ZNF79: variants seen among roughly 807,000 people sequenced by gnomAD.
ZNF79 encodes the protein zinc finger protein 79.
In ZNF79, 13 loss-of-function variants were observed where a neutral mutation model predicts 14.9. The ratio of observed to expected loss-of-function variants is 0.87; its 90% CI spans 0.57 to 1.38. The LOEUF (loss-of-function observed/expected upper bound fraction) is 1.38. ZNF79 is among the 40% of genes most tolerant of loss of function. The probability of loss-of-function intolerance (pLI) is 0.00; values close to 1 mark genes in which losing one functional copy is unlikely to be tolerated. For synonymous variants in ZNF79, 223 were observed against 235.1 expected, an observed-to-expected ratio of 0.95 and a Z score of 0.47; for missense variants, 631 against 630.6, an observed-to-expected ratio of 1.00 and a Z score of -0.01.
At chr9:127,436,069 G>C in intron 4 of ZNF79, 66 bp downstream of exon 4, 1 of 1,286,150 alleles carries the variant, frequency 7.8e-7, no homozygotes, top group Non-Finnish European at 1.1e-6. Context: ...TCACGCATGA[G>C]TGTATTTGAT....
intron 4 of ZNF79, among the ~76,000 whole-genome samples, chr9:127,440,088 T>G (rs1834024254): frequency 6.6e-6 from 1 of 152,164 alleles, no homozygotes; most frequent in South Asian, 2.1e-4. Context: ...GGTCTCGATC[T>G]CCTGACCTCG....
At chr9:127,425,371 A>G (rs1261922532) in intron 1 of ZNF79, among the ~76,000 whole-genome samples, 1 of 152,196 alleles carries the variant, frequency 6.6e-6, no homozygotes, top group Non-Finnish European at 1.5e-5. Context: ...TACCTCTGAG[A>G]ATTGTAATTC....
At chr9:127,443,463 T>C (rs1588078921) in intron 4 of ZNF79, among the ~76,000 whole-genome samples, 1 of 145,084 alleles carries the variant, frequency 6.9e-6, no homozygotes, top group South Asian at 2.1e-4. Context: ...TAGTTGTTTA[T>C]TAAGTATTAT....
chr9:127,435,895 T>C lies in ZNF79; in HGVS notation c.233-13T>C. The C allele has an allele frequency of 6.2e-7, 1 of 1,613,080 alleles. No individual in the cohort carries two copies. Among genetic ancestry groups the C allele is most frequent in the Non-Finnish European group, 8.5e-7 (1 of 1,179,060 alleles). On this transcript the variant is annotated splice_polypyrimidine_tract_variant and intron_variant, in intron 3 of 4. Coordinates refer to ENST00000342483, the MANE Select transcript of ZNF79 (RefSeq NM_007135.3). Reference sequence around the variant, plus strand: ...CTTACAATTTCTAAAGCCTGTTTTTTCCCGTTGAATAGGACTTCCAGTTTC... The same window carrying C: ...CTTACAATTTCTAAAGCCTGTTTTTCCCCGTTGAATAGGACTTCCAGTTTC...
At chr9:127,435,810 A>G in intron 3 of ZNF79, 98 bp from the exon 4 acceptor site, 5 of 925,036 alleles carry the variant, frequency 5.4e-6, no homozygotes, top group Non-Finnish European at 8.9e-6. Context: ...GCTGAATGAA[A>G]TGAACAGTCC....
In ZNF79 at chr9:127,444,804, G is replaced by T; in HGVS notation, c.1104G>T (p.Lys368Asn). ...CCTACAGATGTGCCGCGTGTGGGAA[G>T]GCCTTCAGCCAGAGTGCAAACCTCA... Reference protein sequence around the residue: ...EKPYRCAACGKAFSQSANLTN... With the variant: ...EKPYRCAACGNAFSQSANLTN... Residue 368 changes from lysine to asparagine, a missense_variant, in exon 5 of 5, where the codon AAG becomes AAT. Transcript: ENST00000342483. 6.2e-7 allele frequency: 1 copy of T among 1,607,330 alleles called. No homozygotes were observed. Among genetic ancestry groups the T allele is most frequent in the Non-Finnish European group, 8.5e-7 (1 of 1,175,494 alleles).
chr9:127,428,232 C>T (rs1833796599), intron 1 of ZNF79, among the ~76,000 whole-genome samples: 1 of 152,170 alleles, frequency 6.6e-6, no homozygotes. Flanking sequence ...CTGCCCACAT[C>T]AGCCTCCCAA....
At chr9:127,427,969 T>A (rs191685019) in intron 1 of ZNF79, among the ~76,000 whole-genome samples, 101 of 152,304 alleles carry the variant, frequency 6.6e-4, no homozygotes, top group Admixed American at 1.2e-3. Context: ...GGTTTTCTTC[T>A]AAGAGTTCTA....
At position 127,424,803 on chromosome 9, in the gene ZNF79, G is replaced by A; in HGVS notation, c.16G>A (p.Val6Ile). ...CGGGACTCAAATGCTGGAGGAAGGA[G>A]GTGAGGAGTGGTAGAGGGAGCGATT... MLEEG[V>I]LPSPGPALPQ... Residue 6 changes from valine to isoleucine, a missense_variant and splice_region_variant, in exon 1 of 5, where the codon GTA (valine) becomes ATA (isoleucine). Coordinates refer to ENST00000342483, the MANE Select transcript of ZNF79 (RefSeq NM_007135.3). The A allele has an allele frequency of 1.9e-6, 3 of 1,614,014 alleles. No homozygotes were observed. Among genetic ancestry groups the A allele is most frequent in the Non-Finnish European group, 2.5e-6 (3 of 1,180,000 alleles).
At chr9:127,432,445 C>T (rs1055939542) in intron 2 of ZNF79, among the ~76,000 whole-genome samples, 16 of 152,024 alleles carry the variant, frequency 1.1e-4, no homozygotes, top group African/African-American at 2.2e-4. Flanking sequence ...CCACCACGCC[C>T]GGCCTAAAAT....
chr9:127,435,013 A>G, intron 2 of ZNF79, 77 bp from the exon 3 acceptor site: 3 of 1,483,080 alleles, frequency 2.0e-6, no homozygotes, highest in African/African-American at 2.9e-5. Context: ...AGCTCCCCCA[A>G]AACTGCCAAC....
chr9:127,445,297 C>A lies in ZNF79; in HGVS notation c.*100C>A. The A allele has an allele frequency of 7.5e-7, 1 of 1,337,392 alleles. No individual in the cohort carries two copies. Among genetic ancestry groups the A allele is most frequent in the Non-Finnish European group, 1.0e-6 (1 of 977,070 alleles). 82.8% of individuals were successfully genotyped at this position (1,337,392 alleles called of 1,614,324 possible). A position where few individuals can be genotyped will look rare whatever the true frequency, so the allele number is the denominator to read the frequency against. The stretch of plus-strand genomic sequence containing the variant: ...CTAAAGGCTTGAAAGCATCTGAAGA[C>A]ATCTAACTTAGAGTCTGCAGCCCAG... On this transcript the variant is annotated 3_prime_UTR_variant, in exon 5 of 5. Coordinates refer to ENST00000342483, the MANE Select transcript of ZNF79 (RefSeq NM_007135.3).
intron 2 of ZNF79, among the ~76,000 whole-genome samples, chr9:127,434,603 G>T (rs1357604098): frequency 1.3e-5 from 2 of 152,196 alleles, no homozygotes; most frequent in Non-Finnish European, 2.9e-5. Context: ...GTGTGTATGT[G>T]TGAAATTATC....
At chr9:127,429,238 G>GGT (rs1469313375) in intron 2 of ZNF79, among the ~76,000 whole-genome samples, 1 of 151,954 alleles carries the variant, frequency 6.6e-6, no homozygotes, top group Non-Finnish European at 1.5e-5. Context: ...CTGGTCTCGA[G>GGT]GTCCTGACCT....
chr9:127,428,931 A>G lies in ZNF79; in HGVS notation c.105+11A>G. 1 of 1,566,772 alleles carries G rather than the reference A, an allele frequency of 6.4e-7. No homozygotes were observed. Among genetic ancestry groups the G allele is most frequent in the Non-Finnish European group, 8.7e-7 (1 of 1,155,140 alleles). The stretch of plus-strand genomic sequence containing the variant: ...ACAGCTGGGCCCCGGGTAAGTTGGA[A>G]ATTAACTTTGGAAGGCATCCTTTTC... On this transcript the variant is annotated intron_variant, in intron 2 of 4. Transcript: ENST00000342483.
At position 127,444,858 on chromosome 9, in the gene ZNF79, GA is replaced by G; in HGVS notation, c.1161del (p.Lys387AsnfsTer19). On this transcript the variant is annotated frameshift_variant, in exon 5 of 5. Coordinates refer to ENST00000342483, the MANE Select transcript of ZNF79 (RefSeq NM_007135.3). LOFTEE classifies it high-confidence loss of function. ...ACCATCAGAGGACTCACACTGGGGA[GA>G]AACCCTACAAGTGCAGCGAGTGTGG... is the stretch of plus-strand genomic sequence containing the variant. ...TNHQRTHTGEKPYKCSECGKA... is the reference protein window; with the variant it reads ...TNHQRTHTGEXPYKCSECGKA... The G allele has an allele frequency of 6.2e-7, 1 of 1,613,994 alleles. No individual in the cohort carries two copies. The highest frequency in any genetic ancestry group is 8.5e-7 in the Non-Finnish European group (1 of 1,180,000).
chr9:127,432,210 C>T (rs924905980), intron 2 of ZNF79, among the ~76,000 whole-genome samples: 17 of 145,370 alleles, frequency 1.2e-4, no homozygotes, highest in African/African-American at 2.8e-4. Context: ...TGCAGTGGCG[C>T]GATGTCGGCT....
Position 127,444,522 on chromosome 9 carries a change from G to A in ZNF79, c.822G>A (p.Glu274=). 1 of 1,613,984 alleles carries A rather than the reference G, an allele frequency of 6.2e-7. No homozygotes were observed. The highest frequency in any genetic ancestry group is 8.5e-7 in the Non-Finnish European group (1 of 1,179,888). The change falls in exon 5 of 5, where the codon GAG becomes GAA. Residue 274 remains glutamate, a synonymous_variant. Coordinates refer to ENST00000342483, the MANE Select transcript of ZNF79 (RefSeq NM_007135.3). ...AACACCAGCGAACCCACACCGGAGA[G>A]AAGCCCTACAGATGCAGCGAGTGTG... is the stretch of plus-strand genomic sequence containing the variant. The part of the protein sequence containing the change: ...LTKHQRTHTG[E]KPYRCSECEK...
At chr9:127,431,278 A>T in intron 2 of ZNF79, among the ~76,000 whole-genome samples, 2 of 145,804 alleles carry the variant, frequency 1.4e-5, no homozygotes, top group Non-Finnish European at 1.5e-5. Flanking sequence ...TTTTTTAGAG[A>T]CAGAGTCTCA....
Sources: gnomAD v4.1 joint callset for allele counts (sites outside exome capture counted in the v4.1 genomes callset) on GRCh38, gnomAD v4.1.1 for gene constraint, MANE v1.5 for transcripts, NCBI Gene and HGNC (gene_info 2026-07-23, HGNC 2026-07-21) for gene names.